Variants in PRMT9 observed in about 807,000 individuals in gnomAD.
The protein encoded by PRMT9 is protein arginine methyltransferase 9, also known as protein arginine N-methyltransferase 9.
A neutral mutation model predicts 83.2 loss-of-function variants in PRMT9; 59 were observed. The observed-to-expected ratio is 0.71, with a 90% CI of 0.57 to 0.88. The LOEUF is 0.88. Among genes scored for constraint, PRMT9 ranks in the 40% least tolerant of loss-of-function variants. PRMT9 has a pLI of 0.00. For missense variants in PRMT9, 947 were observed against 1,021.9 expected (o/e 0.93, Z 1.00); for synonymous variants, 333 against 353.2 (o/e 0.94, Z 0.64).
At position 147,654,034 on chromosome 4, in the gene PRMT9, G is replaced by A. The variant is rs769260235; in HGVS notation, c.1863C>T (p.Leu621=). The A allele has an allele frequency of 6.2e-7, 1 of 1,614,224 alleles. No homozygotes were observed. Among genetic ancestry groups the A allele is most frequent in the Non-Finnish European group, 8.5e-7 (1 of 1,180,036 alleles). Residue 621 remains leucine (L), a synonymous_variant, in exon 9 of 12, where the codon CTC becomes CTT. Coordinates refer to ENST00000322396, the MANE Select transcript of PRMT9 (RefSeq NM_138364.4). ...TAGGAAAGTGATTGGCTTCAGATAT[G>A]AGGTCCAGAGCAATACGATGCTGGT... ...EKDQHRIALD[L]ISEANHFPKE...
At chr4:147,683,720 CT>C (rs113416311) in intron 1 of PRMT9, 78 bp downstream of exon 1, 22,552 of 1,015,302 alleles carry the variant, frequency 0.022, 189 homozygotes, top group East Asian at 0.052. Context: ...AGCCCCTCCG[CT>C]TTTTTTTTTT....
chr4:147,650,460 C>T (rs1294278405), intron 9 of PRMT9, among the ~76,000 whole-genome samples: 1 of 152,014 alleles, frequency 6.6e-6, no homozygotes. Flanking sequence ...AGGAATAAAC[C>T]TACCTAGGAA....
rs376530430 is a variant in PRMT9 at position 147,668,552 on chromosome 4, T to C, written c.940A>G (p.Arg314Gly). Residue 314 changes from arginine (R) to glycine (G), a missense_variant, in exon 6 of 12, where the codon AGA (arginine) becomes GGA (glycine). Arg to Gly is a moderately radical substitution (Grantham distance 125, BLOSUM62 -2). Coordinates refer to ENST00000322396, the MANE Select transcript of PRMT9 (RefSeq NM_138364.4). ...TAATACACTTACCTATGATGTCTTC[T>C]TATCTCTGCACATTCTACTGCCATC... ...FGMAVECAEI[R>G]RHHRVGIKDI... 3 of 1,595,022 alleles carry C rather than the reference T, an allele frequency of 1.9e-6. No individual in the cohort carries two copies. Among genetic ancestry groups the C allele is most frequent in the African/African-American group, 2.7e-5 (2 of 74,554 alleles).
chr4:147,683,926 C>G lies in PRMT9; in HGVS notation c.62G>C (p.Arg21Pro), dbSNP rs1302891736. The G allele has an allele frequency of 1.9e-6, 3 of 1,612,886 alleles. No homozygotes were observed. Among genetic ancestry groups the G allele is most frequent in the Non-Finnish European group, 2.5e-6 (3 of 1,179,738 alleles). The change falls in exon 1 of 12, where the codon CGG (arginine) becomes CCG (proline). Residue 21 changes from arginine to proline, a missense_variant. Physicochemically the swap from Arg to Pro is moderately radical, Grantham distance 103. Coordinates refer to ENST00000322396, the MANE Select transcript of PRMT9 (RefSeq NM_138364.4). ...DAGGGAGAAG[R>P]DELVSRSLQS... is the part of the protein sequence containing the mutation. ...CAAGGACCGCGACACCAGCTCGTCC[C>G]GGCCGGCTGCCCCAGCGCCACCCCC...
chr4:147,657,813 A>G lies in PRMT9; in HGVS notation c.1309T>C (p.Tyr437His). 1 of 1,612,398 alleles carries G rather than the reference A, an allele frequency of 6.2e-7. No individual in the cohort carries two copies. Among genetic ancestry groups the G allele is most frequent in the Non-Finnish European group, 8.5e-7 (1 of 1,179,708 alleles). Reference sequence around the variant, plus strand: ...CTACCTGCAAGGTCCTGTACGGGGTAGACAGCCTGTTCCCAACATGTTTCC... The same window carrying G: ...CTACCTGCAAGGTCCTGTACGGGGTGGACAGCCTGTTCCCAACATGTTTCC... ...SEETCWEQAV[Y>H]PVQDLADYWI... Residue 437 changes from tyrosine to histidine, a missense_variant, in exon 8 of 12, where the codon TAC becomes CAC. Physicochemically the swap from Tyr to His is moderately conservative, Grantham distance 83. Transcript: ENST00000322396.
In PRMT9 at chr4:147,657,451, G is replaced by A. The variant is rs146943501; in HGVS notation, c.1330+341C>T. Among the ~76,000 whole-genome samples the A allele has an allele frequency of 6.1e-3, 932 of 151,976 alleles. 36 individuals are homozygous for A. The East Asian group carries it at 0.11, about 18-fold the overall frequency. On this transcript the variant is annotated intron_variant, in intron 8 of 11. Coordinates refer to ENST00000322396, the MANE Select transcript of PRMT9 (RefSeq NM_138364.4). ...GAGGCAGGAGAATGGCGTGAACCCGGGAGGCGGAGCTTGCAGTGAGCCGAG... is the reference window on the plus strand; with the variant it reads ...GAGGCAGGAGAATGGCGTGAACCCGAGAGGCGGAGCTTGCAGTGAGCCGAG...
intron 6 of PRMT9, 149 bp downstream of exon 6, chr4:147,668,390 G>A (rs188383869): frequency 4.0e-5 from 26 of 653,900 alleles, no homozygotes; most frequent in Middle Eastern, 3.4e-4. Flanking sequence ...CATATAAGAC[G>A]TGCCTGCTTC....
At chr4:147,682,726 T>C (rs1487087149) in intron 1 of PRMT9, among the ~76,000 whole-genome samples, 1 of 152,204 alleles carries the variant, frequency 6.6e-6, no homozygotes, top group African/African-American at 2.4e-5. Flanking sequence ...GATCCATTTT[T>C]CTATTGCTGC....
In PRMT9 at chr4:147,654,003, T is replaced by A. The variant is rs754529740; in HGVS notation, c.1894A>T (p.Thr632Ser). 2 of 1,614,224 alleles carry A rather than the reference T, an allele frequency of 1.2e-6. No individual in the cohort carries two copies. The highest frequency in any genetic ancestry group is 1.7e-6 in the Non-Finnish European group (2 of 1,180,040). The stretch of plus-strand genomic sequence containing the variant: ...ACATGTCTCAGCCAAAACTCAAGTG[T>A]TTCTTTAGGAAAGTGATTGGCTTCA... ...ISEANHFPKE[T>S]LEFWLRHVED... The change falls in exon 9 of 12, where the codon ACA becomes TCA. Residue 632 changes from threonine to serine, a missense_variant. Coordinates refer to ENST00000322396, the MANE Select transcript of PRMT9 (RefSeq NM_138364.4).
chr4:147,645,776 G>A (rs867316350), intron 9 of PRMT9, among the ~76,000 whole-genome samples: 8 of 152,138 alleles, frequency 5.3e-5, no homozygotes, highest in African/African-American at 1.4e-4. Context: ...ATCCCCAGCC[G>A]TGATGTGAGG....
chr4:147,647,504 C>T (rs995014283), intron 9 of PRMT9, among the ~76,000 whole-genome samples: 6 of 151,916 alleles, frequency 3.9e-5, no homozygotes, highest in Non-Finnish European at 8.8e-5. Flanking sequence ...CACTTGCCTG[C>T]CTTGTGATAA....
At chr4:147,673,309 G>A (rs949888318) in intron 3 of PRMT9, among the ~76,000 whole-genome samples, 183 bp from the exon 4 acceptor site, 1 of 151,910 alleles carries the variant, frequency 6.6e-6, no homozygotes, top group African/African-American at 2.4e-5. Context: ...AATAAACCAT[G>A]GGATCTACTC....
At chr4:147,680,628 G>C (rs145779301) in intron 1 of PRMT9, among the ~76,000 whole-genome samples, 157 bp from the exon 2 acceptor site, 1 of 152,288 alleles carries the variant, frequency 6.6e-6, no homozygotes, top group African/African-American at 2.4e-5. Flanking sequence ...TTCTGAACAA[G>C]TGCACAAATG....
chr4:147,661,063 G>C, intron 6 of PRMT9, 25 bp from the exon 7 acceptor site: 1 of 1,511,510 alleles, frequency 6.6e-7, no homozygotes, highest in South Asian at 1.1e-5. Flanking sequence ...AATAGGGGAG[G>C]GGTAGGAAGA....
At chr4:147,660,790 A>T in intron 7 of PRMT9, 56 bp downstream of exon 7, 1 of 1,148,574 alleles carries the variant, frequency 8.7e-7, no homozygotes, top group Non-Finnish European at 1.3e-6. Flanking sequence ...CCTATATATT[A>T]TTTTAAACAA....
intron 1 of PRMT9, among the ~76,000 whole-genome samples, chr4:147,682,961 T>C (rs969773320): frequency 5.9e-5 from 9 of 152,284 alleles, no homozygotes; most frequent in African/African-American, 1.2e-4. Flanking sequence ...AGTGCTGAGG[T>C]TGACAAACCC....
At chr4:147,639,662 G>A (rs994846439) in intron 10 of PRMT9, among the ~76,000 whole-genome samples, 2 of 152,156 alleles carry the variant, frequency 1.3e-5, no homozygotes, top group Non-Finnish European at 2.9e-5. Context: ...GTACAAAGTT[G>A]TGAATCACTA....
At chr4:147,664,269 C>T (rs1312358472) in intron 6 of PRMT9, among the ~76,000 whole-genome samples, 1 of 152,238 alleles carries the variant, frequency 6.6e-6, no homozygotes, top group Non-Finnish European at 1.5e-5. Flanking sequence ...GATTGAGCCA[C>T]TGTGCTCCAA....
chr4:147,680,252 C>G (rs1386343843), intron 2 of PRMT9, 71 bp downstream of exon 2: 1 of 1,390,730 alleles, frequency 7.2e-7, no homozygotes, highest in African/African-American at 1.4e-5. Flanking sequence ...GTTAAAATTA[C>G]AGTATGATTT....
Sources: allele counts gnomAD v4.1 joint callset (sites outside exome capture counted in the v4.1 genomes callset), GRCh38; gene constraint gnomAD v4.1.1; transcripts MANE v1.5; gene names NCBI Gene and HGNC (gene_info 2026-07-23, HGNC 2026-07-21).